FSCN2: variants seen among roughly 807,000 people sequenced by gnomAD.
FSCN2 encodes fascin actin-bundling protein 2, retinal, also known as fascin-2.
Under a neutral mutation model 37.8 loss-of-function variants are expected in FSCN2, and 46 were observed. That is an observed-to-expected ratio of 1.22 (90% CI 0.96 to 1.56). The LOEUF is 1.56. Among genes scored for constraint, FSCN2 ranks in the 40% most tolerant of loss-of-function variants. FSCN2 has a pLI of 0.00. For synonymous variants in FSCN2, 351 were observed against 309.4 expected (o/e 1.13, Z -1.41); for missense variants, 844 against 730.4 (o/e 1.16, Z -1.79).
At chr17:81,519,301 C>T in the FSCN2 span, among the ~76,000 whole-genome samples, 1 of 152,142 alleles carries the variant, frequency 6.6e-6, no homozygotes, top group African/African-American at 2.4e-5. Context: ...GGGCCTGGGC[C>T]TCAGCTCCGC....
At chr17:81,530,601 C>T (rs117857086) in intron 1 of FSCN2, 9,006 of 515,174 alleles carry the variant, frequency 0.017, 132 homozygotes, top group Non-Finnish European at 0.025. Flanking sequence ...CCAGCATCAG[C>T]TGGGCAAGGA....
chr17:81,515,580 G>A, the FSCN2 span, among the ~76,000 whole-genome samples: 2 of 152,236 alleles, frequency 1.3e-5, no homozygotes, highest in East Asian at 1.9e-4. Context: ...GGGAGGTATG[G>A]CAGAGCTGAG....
the FSCN2 span, among the ~76,000 whole-genome samples, chr17:81,516,229 C>T: frequency 6.6e-6 from 1 of 152,264 alleles, no homozygotes; most frequent in Non-Finnish European, 1.5e-5. Context: ...GCAAAGCCCA[C>T]AGCCTTGAGT....
Position 81,537,019 on chromosome 17 carries a change from C to A in FSCN2, c.1418C>A (p.Ala473Asp). 1 of 1,502,308 alleles carries A rather than the reference C, an allele frequency of 6.7e-7. No homozygotes were observed. Among genetic ancestry groups the A allele is most frequent in the Non-Finnish European group, 8.8e-7 (1 of 1,132,328 alleles). 93.1% of individuals were successfully genotyped at this position (1,502,308 alleles called of 1,614,324 possible). A position where few individuals can be genotyped will look rare whatever the true frequency, so the allele number is the denominator to read the frequency against. ...ARSGKYLRGG[A>D]SGLLRADADA... The stretch of plus-strand genomic sequence containing the variant: ...AGCGGCAAGTACCTGCGCGGCGGCG[C>A]CTCGGGCCTGCTGCGGGCCGATGCC... Residue 473 changes from alanine to aspartate, a missense_variant, in exon 5 of 5, where the codon GCC becomes GAC. Coordinates refer to ENST00000417245, the MANE Select transcript of FSCN2 (RefSeq NM_012418.4).
intron 1 of FSCN2, among the ~76,000 whole-genome samples, chr17:81,530,878 T>C (rs1337316013): frequency 6.6e-6 from 1 of 151,022 alleles, no homozygotes; most frequent in East Asian, 2.0e-4. Context: ...CAGCCCACAG[T>C]CCAGCTGTAA....
chr17:81,536,447 T>G, intron 3 of FSCN2, 175 bp from the exon 4 acceptor site: 1 of 1,480,170 alleles, frequency 6.8e-7, no homozygotes, highest in East Asian at 2.5e-5. Flanking sequence ...CAGGTCTGAA[T>G]GTCCTTATCT....
the FSCN2 span, among the ~76,000 whole-genome samples, chr17:81,518,782 C>T: frequency 1.3e-5 from 2 of 152,234 alleles, no homozygotes; most frequent in East Asian, 1.9e-4. Flanking sequence ...TAGGTCAGGG[C>T]CTCTCCAGGT....
intron 1 of FSCN2, among the ~76,000 whole-genome samples, chr17:81,531,491 G>GGTGATGGTA (rs1247374653): frequency 8.4e-5 from 11 of 131,522 alleles, no homozygotes; most frequent in African/African-American, 3.1e-4. Flanking sequence ...TGGTGATGAT[G>GGTGATGGTA]GTGATGGTGA....
the FSCN2 span, among the ~76,000 whole-genome samples, chr17:81,521,105 T>C: frequency 6.6e-6 from 1 of 152,318 alleles, no homozygotes; most frequent in South Asian, 2.1e-4. Flanking sequence ...TTCACTCTTG[T>C]TGCCCAGGCT....
intron 1 of FSCN2, among the ~76,000 whole-genome samples, chr17:81,532,159 TGATG>T (rs1160243431): frequency 4.1e-4 from 57 of 138,482 alleles, no homozygotes; most frequent in Non-Finnish European, 8.2e-4. Context: ...ATGGTGATGA[TGATG>T]GTGATGGTGG....
Position 81,537,025 on chromosome 17 carries a change from G to T in FSCN2, c.1424G>T (p.Gly475Val). The change falls in exon 5 of 5, where the codon GGC becomes GTC. Residue 475 changes from glycine (G) to valine (V), a missense_variant. Physicochemically the swap from Gly to Val is moderately radical, Grantham distance 109. Transcript: ENST00000417245. ...AAGTACCTGCGCGGCGGCGCCTCGG[G>T]CCTGCTGCGGGCCGATGCCGACGCC... is the stretch of plus-strand genomic sequence containing the variant. ...SGKYLRGGAS[G>V]LLRADADAPA... 6.7e-7 allele frequency: 1 copy of T among 1,498,094 alleles called. No individual in the cohort carries two copies. Among genetic ancestry groups the T allele is most frequent in the East Asian group, 2.8e-5 (1 of 36,182 alleles). 92.8% of individuals were successfully genotyped at this position (1,498,094 alleles called of 1,614,324 possible).
intron 1 of FSCN2, among the ~76,000 whole-genome samples, chr17:81,533,532 G>A (rs1379100398): frequency 1.3e-5 from 2 of 152,176 alleles, no homozygotes; most frequent in Non-Finnish European, 2.9e-5. Context: ...GGTATTCCAG[G>A]CCTCACATCC....
At chr17:81,522,673 A>G in the FSCN2 span, among the ~76,000 whole-genome samples, 2 of 152,206 alleles carry the variant, frequency 1.3e-5, no homozygotes, top group South Asian at 4.1e-4. Context: ...GTGTGTGTAG[A>G]TGCAGGTTCG....
chr17:81,528,041 G>A (rs113332451), upstream of FSCN2, among the ~76,000 whole-genome samples: 5 of 151,928 alleles, frequency 3.3e-5, no homozygotes, highest in African/African-American at 7.3e-5. Flanking sequence ...TCCACTGGAC[G>A]GCTTCTACAT....
the FSCN2 span, among the ~76,000 whole-genome samples, chr17:81,520,024 T>C: frequency 6.6e-6 from 1 of 152,048 alleles, no homozygotes; most frequent in African/African-American, 2.4e-5. Context: ...CTCAGAGATC[T>C]CACTACATAC....
intron 1 of FSCN2, chr17:81,529,748 C>T (rs112624005): frequency 1.1e-5 from 5 of 472,676 alleles, no homozygotes; most frequent in African/African-American, 2.0e-5. Flanking sequence ...GGCATGTGGG[C>T]AGGAGGCTGT....
the FSCN2 span, among the ~76,000 whole-genome samples, chr17:81,517,508 TCA>T: frequency 6.6e-6 from 1 of 152,116 alleles, no homozygotes; most frequent in Admixed American, 6.5e-5. Flanking sequence ...ACCCAGGGGC[TCA>T]GTTTTCGGTG....
At chr17:81,532,248 GTGA>G (rs548692502) in intron 1 of FSCN2, among the ~76,000 whole-genome samples, 3,294 of 134,506 alleles carry the variant, frequency 0.024, 94 homozygotes, top group Admixed American at 0.081. Flanking sequence ...GATGGTGATG[GTGA>G]TGATGATGAT....
rs1555670854 is a variant in FSCN2, at chr17:81,529,364, A to G, written c.826+7A>G. 6.5e-7 allele frequency: 1 copy of G among 1,532,934 alleles called. No individual in the cohort carries two copies. Among genetic ancestry groups the G allele is most frequent in the Non-Finnish European group, 8.8e-7 (1 of 1,138,252 alleles). 95.0% of individuals were successfully genotyped at this position (1,532,934 alleles called of 1,614,324 possible). ...TACGTCTCTGTGCGGCAAGGTAGGGAGGGCACAGGTGGCGACCTCCTGAGG... is the reference window on the plus strand; with the variant it reads ...TACGTCTCTGTGCGGCAAGGTAGGGGGGGCACAGGTGGCGACCTCCTGAGG... On this transcript the variant is annotated splice_region_variant and intron_variant, in intron 1 of 4. Transcript: ENST00000417245.
Sources: gnomAD v4.1 joint callset for allele counts (sites outside exome capture counted in the v4.1 genomes callset) on GRCh38, gnomAD v4.1.1 for gene constraint, MANE v1.5 for transcripts, NCBI Gene and HGNC (gene_info 2026-07-23, HGNC 2026-07-21) for gene names.